NUP37: variants seen among roughly 807,000 people sequenced by gnomAD.
NUP37 encodes the protein nucleoporin 37.
In NUP37, 33 loss-of-function variants were observed where a neutral mutation model predicts 45.4. That is an observed-to-expected ratio of 0.73 (90% CI 0.55 to 0.97). NUP37 has a LOEUF of 0.97. NUP37 is among the 50% of genes least tolerant of loss of function. The pLI, the probability that NUP37 is intolerant of heterozygous loss-of-function variation, is 0.00. For synonymous variants in NUP37, 127 were observed against 130.7 expected, an observed-to-expected ratio of 0.97 and a Z score of 0.19; for missense variants, 365 against 389.7, an observed-to-expected ratio of 0.94 and a Z score of 0.53.
chr12:102,093,241 T>C (rs1450523903), intron 5 of NUP37, among the ~76,000 whole-genome samples: 8 of 152,148 alleles, frequency 5.3e-5, no homozygotes, highest in Non-Finnish European at 8.8e-5. Context: ...TAATCTGTTA[T>C]ACATCTTCAT....
intron 8 of NUP37, among the ~76,000 whole-genome samples, chr12:102,075,941 C>T (rs2136710078): frequency 6.6e-6 from 1 of 151,848 alleles, no homozygotes; most frequent in East Asian, 1.9e-4. Context: ...GGAACTCTCA[C>T]AGCCATCTTG....
At chr12:102,087,994 A>C (rs915224477) in intron 5 of NUP37, among the ~76,000 whole-genome samples, 1 of 152,198 alleles carries the variant, frequency 6.6e-6, no homozygotes, top group Non-Finnish European at 1.5e-5. Flanking sequence ...TAACAAACAA[A>C]CAAAAACCTG....
intron 3 of NUP37, among the ~76,000 whole-genome samples, chr12:102,107,618 T>C (rs915053884): frequency 5.3e-5 from 8 of 152,188 alleles, no homozygotes; most frequent in African/African-American, 1.7e-4. Flanking sequence ...ACTGCAAATA[T>C]AGTATTAATA....
chr12:102,099,566 G>A (rs1229257005), intron 4 of NUP37, among the ~76,000 whole-genome samples: 2 of 152,100 alleles, frequency 1.3e-5, no homozygotes, highest in Non-Finnish European at 2.9e-5. Flanking sequence ...TAGGGGTACC[G>A]AGGTAGGGTA....
At position 102,118,554 on chromosome 12, in the gene NUP37, A is replaced by C. The variant is rs761340411; in HGVS notation, c.-36T>G. ...AAAATTCAAGCAGTTGTGAAAATTA[A>C]ATAGCCTTCTACTGGACAAGGTCAC... On this transcript the variant is annotated 5_prime_UTR_variant, in exon 2 of 10. The change creates a new upstream start codon in the 5' untranslated region. Transcript: ENST00000552283. The C allele has an allele frequency of 1.0e-5, 16 of 1,595,316 alleles. No homozygotes were observed. The highest frequency in any genetic ancestry group is 1.4e-5 in the Non-Finnish European group (16 of 1,170,536).
chr12:102,074,405 CAGAG>C lies in NUP37; in HGVS notation c.926_929del (p.Pro309ArgfsTer3). On this transcript the variant is annotated frameshift_variant, in exon 10 of 10. Coordinates refer to ENST00000552283, the MANE Select transcript of NUP37 (RefSeq NM_024057.4). LOFTEE classifies it high-confidence loss of function. Reference sequence around the variant, plus strand: ...GCTTGTGGTCTCCTCCAATTACACACAGAGGGAGAGTTCGATGCCAGGACAGTCC... The same window carrying C: ...GCTTGTGGTCTCCTCCAATTACACACGGAGAGTTCGATGCCAGGACAGTCC... 6.2e-7 allele frequency: 1 copy of C among 1,613,244 alleles called. No individual in the cohort carries two copies. Among genetic ancestry groups the C allele is most frequent in the South Asian group, 1.1e-5 (1 of 90,986 alleles).
At chr12:102,089,575 G>A (rs1465264065) in intron 5 of NUP37, among the ~76,000 whole-genome samples, 5 of 146,988 alleles carry the variant, frequency 3.4e-5, no homozygotes, top group Non-Finnish European at 7.4e-5. Flanking sequence ...GGGCAGCCGG[G>A]CAGAGGCACT....
chr12:102,091,186 C>CA (rs1441562026), intron 5 of NUP37, among the ~76,000 whole-genome samples: 1 of 151,890 alleles, frequency 6.6e-6, no homozygotes, highest in Non-Finnish European at 1.5e-5. Flanking sequence ...CACCTGAGGT[C>CA]AGGAGTTCGA....
At chr12:102,076,036 T>C (rs1023508410) in intron 8 of NUP37, among the ~76,000 whole-genome samples, 1 of 152,134 alleles carries the variant, frequency 6.6e-6, no homozygotes, top group Non-Finnish European at 1.5e-5. Context: ...TTGATGACAT[T>C]GATGAGCTGC....
chr12:102,076,320 G>C (rs538223172), intron 8 of NUP37, among the ~76,000 whole-genome samples: 2 of 152,276 alleles, frequency 1.3e-5, no homozygotes, highest in East Asian at 3.9e-4. Flanking sequence ...TTAAAAAGCA[G>C]AAATAATGGC....
chr12:102,115,802 C>T, intron 2 of NUP37: 3 of 981,322 alleles, frequency 3.1e-6, no homozygotes, highest in Non-Finnish European at 3.6e-6. Context: ...ACTTAATTTA[C>T]CTTTACTTAG....
Position 102,101,116 on chromosome 12 carries a change from A to G in NUP37, c.282-12T>C. On this transcript the variant is annotated splice_polypyrimidine_tract_variant and intron_variant, in intron 3 of 9. Coordinates refer to ENST00000552283, the MANE Select transcript of NUP37 (RefSeq NM_024057.4). ...CTGAAGTACAAAATCTGGAAGCAAA[A>G]AAACAAAAATATACCAATTTTTAGC... 6.5e-6 allele frequency: 10 copies of G among 1,535,312 alleles called. No individual in the cohort carries two copies. Among genetic ancestry groups the G allele is most frequent in the African/African-American group, 1.4e-5 (1 of 71,982 alleles).
intron 6 of NUP37, among the ~76,000 whole-genome samples, chr12:102,082,321 T>C (rs1287977061): frequency 6.6e-6 from 1 of 152,170 alleles, no homozygotes; most frequent in Admixed American, 6.5e-5. Flanking sequence ...CTTTCTTCTC[T>C]AGCTGCCTTA....
chr12:102,085,394 C>G (rs1879440522), intron 6 of NUP37, among the ~76,000 whole-genome samples: 2 of 152,082 alleles, frequency 1.3e-5, no homozygotes, highest in Admixed American at 1.3e-4. Flanking sequence ...TGCACTCCAA[C>G]CTGGGTGACA....
chr12:102,084,535 T>C (rs1879415689), intron 6 of NUP37, among the ~76,000 whole-genome samples: 1 of 151,954 alleles, frequency 6.6e-6, no homozygotes, highest in African/African-American at 2.4e-5. Flanking sequence ...TCCCAGCTAC[T>C]CGGGAGGCTG....
chr12:102,119,908 G>C (rs550825811), intron 1 of NUP37, 142 bp downstream of exon 1: 2 of 153,556 alleles, frequency 1.3e-5, no homozygotes, highest in Admixed American at 6.5e-5. Flanking sequence ...ACCTCTCCCC[G>C]GGCCAGGCGA....
intron 5 of NUP37, among the ~76,000 whole-genome samples, chr12:102,094,156 A>G (rs928127929): frequency 1.3e-5 from 2 of 152,096 alleles, no homozygotes; most frequent in South Asian, 2.1e-4. Context: ...CACTGGAGCT[A>G]AAGTATTGCC....
intron 6 of NUP37, among the ~76,000 whole-genome samples, chr12:102,084,505 G>A (rs558211635): frequency 6.6e-6 from 1 of 152,212 alleles, no homozygotes; most frequent in African/African-American, 2.4e-5. Flanking sequence ...TTAGCCGAGT[G>A]TAGTGGTGCG....
intron 3 of NUP37, among the ~76,000 whole-genome samples, chr12:102,105,254 A>G (rs12426078): frequency 0.28 from 41,796 of 151,866 alleles, 5,886 homozygotes; most frequent in East Asian, 0.42. Flanking sequence ...GCCGGGTGCA[A>G]TGGCTCATGC....
Sources: gnomAD v4.1 joint callset for allele counts (sites outside exome capture counted in the v4.1 genomes callset) on GRCh38, gnomAD v4.1.1 for gene constraint, MANE v1.5 for transcripts, NCBI Gene and HGNC (gene_info 2026-07-23, HGNC 2026-07-21) for gene names.